The following OTOGL variants were observed in gnomAD, a reference collection of about 807,000 sequenced individuals.
OTOGL encodes otogelin like.
In OTOGL, 285 loss-of-function variants were observed where a neutral mutation model predicts 318.5. The ratio of observed to expected loss-of-function variants is 0.89; its 90% confidence interval spans 0.81 to 0.99. The LOEUF (loss-of-function observed/expected upper bound fraction) is 0.99, where lower values mean the gene tolerates loss of function less well. Ranked by LOEUF, OTOGL falls within the 50% of genes least tolerant of loss-of-function variation. The probability of loss-of-function intolerance (pLI) is 0.00; values close to 1 mark genes in which losing one functional copy is unlikely to be tolerated. For synonymous variants in OTOGL, 987 were observed against 936.5 expected (o/e 1.05, Z -0.99); for missense variants, 2,899 against 2,845.6 (o/e 1.02, Z -0.43).
At chr12:80,322,308 C>A (rs1887391909) in intron 34 of OTOGL, among the ~76,000 whole-genome samples, 1 of 152,176 alleles carries the variant, frequency 6.6e-6, no homozygotes, top group Admixed American at 6.5e-5. Flanking sequence ...TTCCCCTCTG[C>A]TCTAGAAATC....
At chr12:80,115,197 CT>C (rs2137087544) in intron 1 of OTOGL, among the ~76,000 whole-genome samples, 1 of 152,074 alleles carries the variant, frequency 6.6e-6, no homozygotes, top group East Asian at 2.0e-4. Flanking sequence ...AATTTTCAGC[CT>C]TTTTGCCCTG....
At chr12:80,197,070 C>T (rs529098107) in intron 1 of OTOGL, among the ~76,000 whole-genome samples, 6 of 152,172 alleles carry the variant, frequency 3.9e-5, no homozygotes, top group Non-Finnish European at 7.4e-5. Flanking sequence ...TCCACAACCT[C>T]TTATGTAATC....
Position 80,265,015 on chromosome 12 carries a change from C to T in OTOGL, c.2029C>T (p.His677Tyr). The T allele has an allele frequency of 6.2e-7, 1 of 1,613,870 alleles. No individual in the cohort carries two copies. The highest frequency in any genetic ancestry group is 8.5e-7 in the Non-Finnish European group (1 of 1,179,830). ...CTCTTTGTTAGTTGGGTATGCAGCA[C>T]ACTGTGATGTCATCCACCAGGAGCT... Reference protein sequence around the residue: ...INQQNIGYAAHCDVIHQELFA... With the variant: ...INQQNIGYAAYCDVIHQELFA... Residue 677 changes from histidine to tyrosine, a missense_variant, in exon 20 of 59, where the codon CAC becomes TAC. Physicochemically the swap from His to Tyr is moderately conservative, Grantham distance 83. Around this residue, in one of 3 missense-constraint regions of OTOGL, gnomAD observed 2,607 missense variants for 2,524.9 expected, o/e 1.03. Coordinates refer to ENST00000547103, the MANE Select transcript of OTOGL (RefSeq NM_001378609.3).
chr12:80,360,897 A>C (rs977712560), intron 52 of OTOGL, among the ~76,000 whole-genome samples: 1 of 152,026 alleles, frequency 6.6e-6, no homozygotes. Flanking sequence ...TATTATGTAC[A>C]TGTTAATTCA....
chr12:80,356,059 T>C (rs1182636820), intron 47 of OTOGL, 111 bp downstream of exon 47: 1 of 1,221,012 alleles, frequency 8.2e-7, no homozygotes, highest in East Asian at 2.3e-5. Context: ...GGGCCATAAA[T>C]GTCATTTTCT....
chr12:80,249,969 A>G (rs566227293), intron 11 of OTOGL, among the ~76,000 whole-genome samples: 1 of 151,614 alleles, frequency 6.6e-6, no homozygotes, highest in Admixed American at 6.6e-5. Context: ...CGGAAAGGGA[A>G]CTCCCTGACC....
chr12:80,290,232 C>T (rs1367108200), intron 26 of OTOGL, among the ~76,000 whole-genome samples: 3 of 152,034 alleles, frequency 2.0e-5, no homozygotes, highest in Non-Finnish European at 2.9e-5. Flanking sequence ...CACTCTCTAA[C>T]CAGTCCTAGA....
intron 40 of OTOGL, 54 bp downstream of exon 40, chr12:80,336,609 CTA>C: frequency 6.5e-7 from 1 of 1,533,244 alleles, no homozygotes; most frequent in South Asian, 1.2e-5. Context: ...TAGCTAATGT[CTA>C]TTGCAACATC....
chr12:80,125,720 G>A (rs1043421326), intron 1 of OTOGL, among the ~76,000 whole-genome samples: 3 of 152,158 alleles, frequency 2.0e-5, no homozygotes, highest in South Asian at 2.1e-4. Flanking sequence ...TTCAGAGCCT[G>A]TTATTGGTCT....
chr12:80,215,061 A>C (rs1877584304), intron 4 of OTOGL, among the ~76,000 whole-genome samples: 1 of 152,180 alleles, frequency 6.6e-6, no homozygotes. Context: ...GAGTTAGGTC[A>C]AAGGATATGG....
intron 1 of OTOGL, among the ~76,000 whole-genome samples, chr12:80,206,134 G>T (rs1876791664): frequency 6.6e-6 from 1 of 152,156 alleles, no homozygotes; most frequent in Non-Finnish European, 1.5e-5. Flanking sequence ...TTTTGTCAGG[G>T]TGGAATGAAA....
Position 80,191,646 on chromosome 12 carries a change from G to A in OTOGL, c.-19-17767G>A, listed in dbSNP as rs1875705656. On this transcript the variant is annotated intron_variant, in intron 1 of 58. Transcript: ENST00000547103. ...TAAGAATGCAATATTTAAACAGTTG[G>A]CCTCTTACTGGGACAGAATATTGAG... 5.3e-5 allele frequency among the ~76,000 whole-genome samples: 8 copies of A among 150,338 alleles called. No individual in the cohort carries two copies. The South Asian group carries it at 1.7e-3, about 31-fold the overall frequency.
intron 1 of OTOGL, among the ~76,000 whole-genome samples, chr12:80,172,218 T>C (rs769550508): frequency 1.1e-4 from 17 of 152,182 alleles, no homozygotes; most frequent in Non-Finnish European, 2.2e-4. Context: ...TCTTCCTAGT[T>C]TATCAGTCTG....
chr12:80,314,379 G>A (rs563080052), intron 32 of OTOGL, 48 bp downstream of exon 32: 370 of 790,834 alleles, frequency 4.7e-4, no homozygotes, highest in Non-Finnish European at 5.8e-4. Flanking sequence ...TCTATTAGGT[G>A]TATTTTCATA....
intron 16 of OTOGL, 108 bp from the exon 17 acceptor site, chr12:80,256,229 C>G: frequency 1.6e-6 from 2 of 1,238,944 alleles, no homozygotes; most frequent in Non-Finnish European, 2.2e-6. Context: ...TTTGTTCTCT[C>G]CTCTCTCTTT....
intron 1 of OTOGL, among the ~76,000 whole-genome samples, chr12:80,129,421 T>C (rs1437317046): frequency 6.6e-6 from 1 of 152,222 alleles, no homozygotes; most frequent in Non-Finnish European, 1.5e-5. Context: ...AACTATTATG[T>C]CATAACTTGT....
At chr12:80,302,602 T>A (rs542451393) in intron 27 of OTOGL, 32 bp from the exon 28 acceptor site, 1 of 1,260,526 alleles carries the variant, frequency 7.9e-7, no homozygotes, top group Non-Finnish European at 1.0e-6. Flanking sequence ...AACTTACTAC[T>A]CACTTTGTTT....
At chr12:80,169,156 C>A (rs1295988283) in intron 1 of OTOGL, among the ~76,000 whole-genome samples, 1 of 152,138 alleles carries the variant, frequency 6.6e-6, no homozygotes, top group African/African-American at 2.4e-5. Flanking sequence ...CTACTATTGG[C>A]TTAGTCAACT....
chr12:80,301,989 C>T (rs1885795769), intron 27 of OTOGL, among the ~76,000 whole-genome samples: 1 of 152,180 alleles, frequency 6.6e-6, no homozygotes. Flanking sequence ...CACAATTTCA[C>T]AGATAGAAGA....
Sources: gnomAD v4.1 joint callset for allele counts (sites outside exome capture counted in the v4.1 genomes callset) on GRCh38, gnomAD v4.1.1 for gene constraint, gnomAD v4.1.1 regional missense constraint, MANE v1.5 for transcripts, NCBI Gene and HGNC (gene_info 2026-07-23, HGNC 2026-07-21) for gene names.